The following PHEX variants were observed in gnomAD, a reference collection of about 807,000 sequenced individuals.
PHEX encodes the protein phosphate-regulating neutral endopeptidase PHEX.
Under a neutral mutation model 68.0 loss-of-function variants are expected in PHEX, and 16 were observed. That is an observed-to-expected ratio of 0.24 (90% CI 0.16 to 0.36). The LOEUF (loss-of-function observed/expected upper bound fraction) is 0.36, where lower values mean the gene tolerates loss of function less well. Among genes scored for constraint, PHEX ranks in the 10% least tolerant of loss-of-function variants. PHEX has a pLI of 1.00. For missense variants in PHEX, 480 were observed against 575.5 expected, an observed-to-expected ratio of 0.83 and a Z score of 1.70; for synonymous variants, 208 against 205.1, an observed-to-expected ratio of 1.01 and a Z score of -0.12.
intron 20 of PHEX, among the ~76,000 whole-genome samples, chrX:22,242,533 C>A (rs891482793): frequency 9.0e-6 from 1 of 111,674 alleles, no homozygotes; most frequent in Admixed American, 9.6e-5. Context: ...AAAACCCCAT[C>A]GTCTCAGCCC....
intron 20 of PHEX, among the ~76,000 whole-genome samples, chrX:22,230,947 G>A (rs1000662118): frequency 8.9e-5 from 10 of 111,742 alleles, no homozygotes; most frequent in African/African-American, 2.9e-4. Context: ...TTTGAGATAC[G>A]TGCCATCAAT....
At chrX:22,108,384 T>C (rs901967913) in intron 9 of PHEX, among the ~76,000 whole-genome samples, 3 of 111,133 alleles carry the variant, frequency 2.7e-5, no homozygotes, top group African/African-American at 9.8e-5. Flanking sequence ...GGATGAGGCA[T>C]AAAAAAACTA....
chrX:22,131,261 G>T (rs1007127239), intron 11 of PHEX, among the ~76,000 whole-genome samples: 1 of 110,797 alleles, frequency 9.0e-6, no homozygotes, highest in Admixed American at 9.6e-5. Context: ...GGCTGGTCTC[G>T]AACTCCTGAC....
intron 11 of PHEX, among the ~76,000 whole-genome samples, chrX:22,116,895 G>A (rs1402547102): frequency 1.8e-5 from 2 of 110,834 alleles, no homozygotes; most frequent in Non-Finnish European, 3.8e-5. Context: ...ACCCTTTTAG[G>A]ATTAAACAAG....
At chrX:22,051,775 A>T (rs1302312562) in intron 3 of PHEX, among the ~76,000 whole-genome samples, 1 of 111,237 alleles carries the variant, frequency 9.0e-6, no homozygotes, top group Non-Finnish European at 1.9e-5. Context: ...TTTTATACAC[A>T]TGGGCAGATA....
At chrX:22,106,794 A>C (rs907204559) in intron 9 of PHEX, among the ~76,000 whole-genome samples, 2 of 108,085 alleles carry the variant, frequency 1.9e-5, no homozygotes, top group African/African-American at 3.5e-5. Context: ...AAAAAAAAAA[A>C]AACCAAATAG....
At chrX:22,097,966 C>T (rs990769255) in intron 8 of PHEX, 4 of 155,463 alleles carry the variant, frequency 2.6e-5, no homozygotes, top group African/African-American at 1.3e-4. Flanking sequence ...TGGGATTGGC[C>T]AGGCTGGTCT....
rs148033195 is a variant in PHEX at position 22,189,991 on chromosome X, A to T, written c.1587-453A>T. ...ACTTTATTCATCTTTCTTTAAATGG[A>T]CCTCTGTGTTGTCACCAATCCAGAA... On this transcript the variant is annotated intron_variant, in intron 14 of 21. Transcript: ENST00000379374. Among the ~76,000 whole-genome samples the T allele has an allele frequency of 9.5e-3, 1,065 of 111,660 alleles. 13 individuals carry two copies. Among genetic ancestry groups the T allele is most frequent in the African/African-American group, 0.033 (1,003 of 30,670 alleles).
intron 12 of PHEX, among the ~76,000 whole-genome samples, chrX:22,137,014 A>G (rs765583050): frequency 1.5e-3 from 170 of 112,067 alleles, no homozygotes; most frequent in African/African-American, 5.3e-3. Flanking sequence ...GCAGCAAAGG[A>G]CAGGGCATCT....
At chrX:22,165,406 G>A (rs951434544) in intron 12 of PHEX, among the ~76,000 whole-genome samples, 1 of 111,748 alleles carries the variant, frequency 8.9e-6, no homozygotes, top group African/African-American at 3.3e-5. Flanking sequence ...GGGAACTTTG[G>A]AAGTACAAAT....
At chrX:22,153,154 A>C (rs1268031803) in intron 12 of PHEX, among the ~76,000 whole-genome samples, 2 of 110,902 alleles carry the variant, frequency 1.8e-5, no homozygotes, top group Non-Finnish European at 3.8e-5. Context: ...ACAATGCCAA[A>C]CTAATTTATT....
chrX:22,048,540 A>C (rs1196477322), intron 3 of PHEX, among the ~76,000 whole-genome samples: 3 of 112,013 alleles, frequency 2.7e-5, no homozygotes, highest in Non-Finnish European at 5.6e-5. Context: ...AAGATAAGAA[A>C]ACTACAAGAT....
In PHEX at chrX:22,032,938, G is replaced by A. The variant is rs1926861723; in HGVS notation, c.-68G>A. On this transcript the variant is annotated 5_prime_UTR_variant, in exon 1 of 22. Transcript: ENST00000379374. The stretch of plus-strand genomic sequence containing the variant: ...AGAAAGCCTTGGATGTCAACGCCTC[G>A]CTCTTGAGACCAGCCACCAAACCAC... 2.5e-6 allele frequency: 2 copies of A among 803,471 alleles called. No individual in the cohort carries two copies. The highest frequency in any genetic ancestry group is 4.1e-5 in the South Asian group (2 of 49,128). 66.2% of individuals were successfully genotyped at this position (803,471 alleles called of 1,213,427 possible).
chrX:22,202,729 C>T (rs185212154), intron 15 of PHEX, among the ~76,000 whole-genome samples: 16 of 111,829 alleles, frequency 1.4e-4, no homozygotes, highest in Admixed American at 4.8e-4. Context: ...CTGCTAGTGT[C>T]AGTTTCAAAT....
intron 12 of PHEX, among the ~76,000 whole-genome samples, chrX:22,159,375 A>G (rs892572829): frequency 8.9e-6 from 1 of 112,601 alleles, no homozygotes; most frequent in African/African-American, 3.2e-5. Context: ...GCTTGGCACA[A>G]TGGCTCATGC....
chrX:22,247,821 T>C (rs747046886), intron 21 of PHEX, 30 bp from the exon 22 acceptor site: 1 of 979,146 alleles, frequency 1.0e-6, no homozygotes, highest in Non-Finnish European at 1.5e-6. Flanking sequence ...AAGAATTATA[T>C]GACATATGCT....
intron 3 of PHEX, among the ~76,000 whole-genome samples, chrX:22,054,087 TGTATA>T (rs1222548852): frequency 8.9e-6 from 1 of 112,301 alleles, no homozygotes; most frequent in Admixed American, 9.5e-5. Flanking sequence ...TCATGTTGTA[TGTATA>T]GTAGAGCTTT....
Position 22,133,508 on chromosome X carries a change from G to A in PHEX, c.1303-15G>A. On this transcript the variant is annotated splice_polypyrimidine_tract_variant and intron_variant, in intron 11 of 21. Transcript: ENST00000379374. ...TCTTGGCTTTGACGTTCCCTCTTTGGGTATTTTCTTGTAGATGGAGGAATT... is the reference window on the plus strand; with the variant it reads ...TCTTGGCTTTGACGTTCCCTCTTTGAGTATTTTCTTGTAGATGGAGGAATT... The A allele has an allele frequency of 2.6e-6, 3 of 1,175,066 alleles. No individual in the cohort carries two copies. Among genetic ancestry groups the A allele is most frequent in the Non-Finnish European group, 2.3e-6 (2 of 862,137 alleles).
intron 12 of PHEX, among the ~76,000 whole-genome samples, chrX:22,166,358 C>A (rs1031718328): frequency 9.0e-6 from 1 of 111,178 alleles, no homozygotes; most frequent in African/African-American, 3.3e-5. Flanking sequence ...TGATCTGACC[C>A]CAGGCCAATT....
Sources: gnomAD v4.1 joint callset for allele counts (sites outside exome capture counted in the v4.1 genomes callset) on GRCh38, gnomAD v4.1.1 for gene constraint, MANE v1.5 for transcripts, NCBI Gene and HGNC (gene_info 2026-07-23, HGNC 2026-07-21) for gene names.